Variants in PHACTR1 observed in about 807,000 individuals in gnomAD.
PHACTR1 encodes phosphatase and actin regulator 1, also known as RPEL repeat containing 1.
A neutral mutation model predicts 69.2 loss-of-function variants in PHACTR1; 16 were observed. The ratio of observed to expected loss-of-function variants is 0.23; its 90% CI spans 0.16 to 0.35. PHACTR1 has a LOEUF of 0.35. Ranked by LOEUF, PHACTR1 falls within the 10% of genes least tolerant of loss-of-function variation. The probability of loss-of-function intolerance (pLI) is 1.00; values close to 1 mark genes in which losing one functional copy is unlikely to be tolerated. For synonymous variants in PHACTR1, 312 were observed against 284.5 expected (o/e 1.10, Z -0.97); for missense variants, 510 against 734.7 (o/e 0.69, Z 3.54).
At chr6:13,184,920 G>A (rs778449803) in intron 7 of PHACTR1, 3 of 1,366,582 alleles carry the variant, frequency 2.2e-6, no homozygotes, top group Non-Finnish European at 2.9e-6. Flanking sequence ...ACCATGAAGA[G>A]ACCCCAGTGA....
At chr6:12,844,193 G>A (rs114622913) in intron 4 of PHACTR1, among the ~76,000 whole-genome samples, 1,847 of 152,228 alleles carry the variant, frequency 0.012, 37 homozygotes, top group African/African-American at 0.041. Context: ...CCAGGAGTTT[G>A]AGATCAGCCT....
intron 4 of PHACTR1, among the ~76,000 whole-genome samples, chr6:12,818,651 T>C (rs1176810974): frequency 6.6e-6 from 1 of 152,206 alleles, no homozygotes; most frequent in African/African-American, 2.4e-5. Context: ...AAAAGAATTC[T>C]TTAGTATATT....
rs1789428677 is a variant in PHACTR1, at chr6:12,936,199, T to C, written c.251-117166T>C. ...TTTTAGGAAGAGTCTCATTTTTCAC[T>C]TCAAAGTAGTCTAAAGTAATTTTCC... On this transcript the variant is annotated intron_variant, in intron 4 of 14. Coordinates refer to ENST00000332995, the MANE Select transcript of PHACTR1 (RefSeq NM_030948.6). Among the ~76,000 whole-genome samples the C allele has an allele frequency of 2.0e-5, 3 of 152,182 alleles. No homozygotes were observed. The South Asian group carries it at 6.2e-4, about 32-fold the overall frequency.
chr6:13,117,584 C>T (rs1180102157), intron 5 of PHACTR1, among the ~76,000 whole-genome samples: 1 of 152,186 alleles, frequency 6.6e-6, no homozygotes, highest in Non-Finnish European at 1.5e-5. Context: ...TTAGTACACA[C>T]TGTAAGTTTC....
chr6:13,098,096 G>C (rs985187853), intron 5 of PHACTR1, among the ~76,000 whole-genome samples: 1 of 152,018 alleles, frequency 6.6e-6, no homozygotes, highest in Non-Finnish European at 1.5e-5. Context: ...CACCTCCCAT[G>C]TTAGAAAACA....
At chr6:12,913,221 C>CT (rs1416610275) in intron 4 of PHACTR1, among the ~76,000 whole-genome samples, 6 of 152,232 alleles carry the variant, frequency 3.9e-5, no homozygotes, top group Non-Finnish European at 8.8e-5. Flanking sequence ...ACAGCACTGG[C>CT]TCCAGAGGTC....
chr6:12,840,644 C>T (rs1778594866), intron 4 of PHACTR1, among the ~76,000 whole-genome samples: 1 of 152,140 alleles, frequency 6.6e-6, no homozygotes, highest in Non-Finnish European at 1.5e-5. Flanking sequence ...TCAGTAAAAT[C>T]CTAGATAGAA....
intron 3 of PHACTR1, among the ~76,000 whole-genome samples, chr6:12,744,773 T>C (rs75287265): frequency 0.013 from 2,014 of 152,296 alleles, 37 homozygotes; most frequent in South Asian, 0.068. Context: ...ATTCTGAAAA[T>C]TACTTATTTC....
chr6:13,088,991 A>G (rs1164432803), intron 5 of PHACTR1, among the ~76,000 whole-genome samples: 1 of 152,176 alleles, frequency 6.6e-6, no homozygotes, highest in African/African-American at 2.4e-5. Flanking sequence ...AAACAGAGCA[A>G]TTTATTTTAG....
chr6:12,821,272 G>A (rs1776166604), intron 4 of PHACTR1, among the ~76,000 whole-genome samples: 1 of 152,028 alleles, frequency 6.6e-6, no homozygotes. Context: ...GACCATCCTG[G>A]CCAACATGGT....
intron 4 of PHACTR1, among the ~76,000 whole-genome samples, chr6:13,040,280 C>G (rs1190447541): frequency 6.6e-6 from 1 of 152,118 alleles, no homozygotes; most frequent in African/African-American, 2.4e-5. Context: ...CTCTATTTCT[C>G]TATTTCTTGT....
At chr6:13,033,669 T>A (rs1050185574) in intron 4 of PHACTR1, among the ~76,000 whole-genome samples, 2 of 152,244 alleles carry the variant, frequency 1.3e-5, no homozygotes, top group African/African-American at 4.8e-5. Context: ...TCTGTCAGAA[T>A]TTTGAAGCTT....
chr6:12,905,645 A>G lies in PHACTR1; in HGVS notation c.251-147720A>G, dbSNP rs571498553. Among the ~76,000 whole-genome samples the G allele has an allele frequency of 2.0e-5, 3 of 152,344 alleles. No homozygotes were observed. In the East Asian group the frequency reaches 5.8e-4, roughly 29 times the overall value. ...GAGGGCATGACAGCACATCCAGAGAAGGTGATGACAAGGAATTAACCAGGC... is the reference window on the plus strand; with the variant it reads ...GAGGGCATGACAGCACATCCAGAGAGGGTGATGACAAGGAATTAACCAGGC... On this transcript the variant is annotated intron_variant, in intron 4 of 14. Coordinates refer to ENST00000332995, the MANE Select transcript of PHACTR1 (RefSeq NM_030948.6).
At chr6:12,770,858 C>T (rs541427380) in intron 4 of PHACTR1, among the ~76,000 whole-genome samples, 1 of 152,206 alleles carries the variant, frequency 6.6e-6, no homozygotes, top group East Asian at 1.9e-4. Flanking sequence ...AGTGTGGCTT[C>T]TTGGTGAAGG....
At chr6:12,964,711 T>C (rs1020888777) in intron 4 of PHACTR1, among the ~76,000 whole-genome samples, 1 of 152,148 alleles carries the variant, frequency 6.6e-6, no homozygotes, top group Non-Finnish European at 1.5e-5. Context: ...CAGTTACAAA[T>C]GCAACTGCAG....
At chr6:12,825,316 CAAA>C (rs71552719) in intron 4 of PHACTR1, among the ~76,000 whole-genome samples, 1 of 131,256 alleles carries the variant, frequency 7.6e-6, no homozygotes, top group Non-Finnish European at 1.6e-5. Context: ...CTCTCTCTCT[CAAA>C]AAAAAAAAAA....
chr6:12,902,466 C>T (rs1013889475), intron 4 of PHACTR1, among the ~76,000 whole-genome samples: 2 of 152,138 alleles, frequency 1.3e-5, no homozygotes, highest in Admixed American at 1.3e-4. Flanking sequence ...CAACAATCTT[C>T]CCCTTACCTT....
chr6:12,875,501 G>A (rs1035035992), intron 4 of PHACTR1, among the ~76,000 whole-genome samples: 1 of 152,188 alleles, frequency 6.6e-6, no homozygotes, highest in Non-Finnish European at 1.5e-5. Context: ...TTGATCCCAA[G>A]TGAAAGGCTT....
At chr6:13,157,365 A>G (rs898703522) in intron 5 of PHACTR1, among the ~76,000 whole-genome samples, 2 of 152,260 alleles carry the variant, frequency 1.3e-5, no homozygotes, top group Non-Finnish European at 1.5e-5. Flanking sequence ...GTGATCACAC[A>G]TTAAGTAATA....
Sources: gnomAD v4.1 joint callset for allele counts (sites outside exome capture counted in the v4.1 genomes callset) on GRCh38, gnomAD v4.1.1 for gene constraint, MANE v1.5 for transcripts, NCBI Gene and HGNC (gene_info 2026-07-23, HGNC 2026-07-21) for gene names.